Variants in FHIT observed in about 807,000 individuals in gnomAD.
FHIT encodes fragile histidine triad diadenosine triphosphatase, also known as bis(5'-adenosyl)-triphosphatase.
FHIT carries 19 observed loss-of-function variants against 17.9 expected under a neutral mutation model. The ratio of observed to expected loss-of-function variants is 1.06; its 90% CI spans 0.74 to 1.56. The LOEUF is 1.56. Ranked by LOEUF, FHIT falls within the 40% of genes most tolerant of loss-of-function variation. The pLI is 0.00. For missense variants in FHIT, 248 were observed against 189.2 expected (o/e 1.31, Z -1.82); for synonymous variants, 81 against 69.7 (o/e 1.16, Z -0.81).
intron 5 of FHIT, among the ~76,000 whole-genome samples, chr3:60,040,858 T>C (rs529330965): frequency 2.0e-4 from 30 of 152,216 alleles, no homozygotes; most frequent in Middle Eastern, 3.4e-3. Flanking sequence ...GATTTCCTTT[T>C]AATTAACATG....
chr3:60,808,709 T>G (rs1553735170), intron 4 of FHIT, among the ~76,000 whole-genome samples: 1 of 152,194 alleles, frequency 6.6e-6, no homozygotes, highest in East Asian at 1.9e-4. Flanking sequence ...GTTACTTTCC[T>G]TGTAAAGGTT....
chr3:61,138,197 T>TGTCTTA (rs781359110), intron 2 of FHIT, among the ~76,000 whole-genome samples: 5 of 152,222 alleles, frequency 3.3e-5, no homozygotes, highest in Non-Finnish European at 5.9e-5. Context: ...TCTACAAATA[T>TGTCTTA]GTCTTAGTCC....
intron 4 of FHIT, among the ~76,000 whole-genome samples, chr3:60,711,843 C>T (rs1220571840): frequency 6.6e-6 from 1 of 152,198 alleles, no homozygotes; most frequent in Non-Finnish European, 1.5e-5. Context: ...AGTTGGAAAA[C>T]ACTCTGCAGG....
At chr3:60,083,774 G>A (rs1409976784) in intron 5 of FHIT, among the ~76,000 whole-genome samples, 1 of 152,180 alleles carries the variant, frequency 6.6e-6, no homozygotes, top group Non-Finnish European at 1.5e-5. Context: ...AAACAAATGG[G>A]TGTGGCTGTG....
intron 8 of FHIT, among the ~76,000 whole-genome samples, chr3:59,873,257 T>A (rs933827976): frequency 2.6e-5 from 4 of 152,188 alleles, no homozygotes; most frequent in African/African-American, 9.7e-5. Flanking sequence ...ATCTCAGTAC[T>A]CTACCAGGCA....
rs187669708 is a variant in FHIT, at chr3:59,954,530, C to T, written c.280-32116G>A. 8.7e-4 allele frequency among the ~76,000 whole-genome samples: 133 copies of T among 152,218 alleles called. 1 individual carries two copies. Among genetic ancestry groups the T allele is most frequent in the African/African-American group, 3.1e-3 (127 of 41,524 alleles). ...AAAGTGCTGAAGGAGATGGAGACTCCTCTCCTGGGAAAATCTGCAATTCGA... is the reference window on the plus strand; with the variant it reads ...AAAGTGCTGAAGGAGATGGAGACTCTTCTCCTGGGAAAATCTGCAATTCGA... On this transcript the variant is annotated intron_variant, in intron 7 of 9. Coordinates refer to ENST00000492590, the MANE Select transcript of FHIT (RefSeq NM_002012.4).
At chr3:59,841,669 C>T (rs1238906340) in intron 8 of FHIT, among the ~76,000 whole-genome samples, 4 of 152,138 alleles carry the variant, frequency 2.6e-5, no homozygotes, top group Admixed American at 6.6e-5. Flanking sequence ...CTCAGCACTG[C>T]AGCCCAAGAA....
chr3:60,948,077 G>A (rs1562524), intron 3 of FHIT, among the ~76,000 whole-genome samples: 66,118 of 151,958 alleles, frequency 0.44, 14,904 homozygotes, highest in Middle Eastern at 0.6. Context: ...AGATTCCCTA[G>A]TGGATTCTCC....
At chr3:60,606,913 A>G (rs552614212) in intron 4 of FHIT, among the ~76,000 whole-genome samples, 62 of 152,254 alleles carry the variant, frequency 4.1e-4, no homozygotes, top group African/African-American at 1.4e-3. Flanking sequence ...TTTTCTACTT[A>G]TATTAACCTC....
intron 1 of FHIT, among the ~76,000 whole-genome samples, chr3:61,233,954 C>T (rs1279316251): frequency 6.6e-6 from 1 of 152,168 alleles, no homozygotes; most frequent in Admixed American, 6.5e-5. Context: ...AAGAAACAAA[C>T]CTCTATTCTT....
At chr3:60,396,392 G>A (rs1701441274) in intron 5 of FHIT, among the ~76,000 whole-genome samples, 1 of 152,068 alleles carries the variant, frequency 6.6e-6, no homozygotes, top group Non-Finnish European at 1.5e-5. Context: ...TGACAAAAAG[G>A]AAAATCTTTC....
At chr3:60,394,343 A>C (rs1277834618) in intron 5 of FHIT, among the ~76,000 whole-genome samples, 6 of 152,226 alleles carry the variant, frequency 3.9e-5, no homozygotes, top group Non-Finnish European at 8.8e-5. Flanking sequence ...ATGCCCACTT[A>C]AAGCTTAGGC....
intron 1 of FHIT, among the ~76,000 whole-genome samples, chr3:61,205,625 G>A (rs574039764): frequency 1.3e-5 from 2 of 152,286 alleles, no homozygotes; most frequent in East Asian, 3.9e-4. Context: ...GTCTTCTTTT[G>A]AGAAGTGTCT....
chr3:60,157,289 T>C (rs1020790515), intron 5 of FHIT, among the ~76,000 whole-genome samples: 1 of 152,004 alleles, frequency 6.6e-6, no homozygotes, highest in Non-Finnish European at 1.5e-5. Context: ...GACTCAGAAA[T>C]GGTAGCAGGC....
intron 3 of FHIT, among the ~76,000 whole-genome samples, chr3:60,955,055 A>C (rs781864804): frequency 1.3e-5 from 2 of 152,194 alleles, no homozygotes; most frequent in African/African-American, 4.8e-5. Context: ...TTAAATTCAA[A>C]ATTTAAAGTC....
intron 3 of FHIT, among the ~76,000 whole-genome samples, chr3:61,037,779 C>A (rs1234142765): frequency 6.6e-6 from 1 of 152,210 alleles, no homozygotes; most frequent in East Asian, 1.9e-4. Context: ...ATCAAGTAGG[C>A]CTTTGCCAAA....
At chr3:59,939,701 G>C (rs1056791855) in intron 7 of FHIT, among the ~76,000 whole-genome samples, 3 of 152,160 alleles carry the variant, frequency 2.0e-5, no homozygotes, top group African/African-American at 7.2e-5. Flanking sequence ...TCATTAAGGT[G>C]ATTAGCCAAC....
intron 2 of FHIT, among the ~76,000 whole-genome samples, chr3:61,125,979 G>A (rs907989520): frequency 6.6e-6 from 1 of 152,154 alleles, no homozygotes; most frequent in East Asian, 1.9e-4. Flanking sequence ...ATGGTGAGTT[G>A]CTGCTCAGGG....
intron 5 of FHIT, among the ~76,000 whole-genome samples, chr3:60,164,737 C>G (rs958058756): frequency 1.7e-4 from 26 of 152,142 alleles, no homozygotes; most frequent in African/African-American, 6.0e-4. Flanking sequence ...CAGTGCTTTG[C>G]CAGTGTTTTC....
Sources: gnomAD v4.1 joint callset for allele counts (sites outside exome capture counted in the v4.1 genomes callset) on GRCh38, gnomAD v4.1.1 for gene constraint, MANE v1.5 for transcripts, NCBI Gene and HGNC (gene_info 2026-07-23, HGNC 2026-07-21) for gene names.